The following SMG1 variants were observed in gnomAD, a reference collection of about 807,000 sequenced individuals.
SMG1 encodes SMG1 nonsense mediated mRNA decay associated PI3K related kinase.
In SMG1, 22 loss-of-function variants were observed where a neutral mutation model predicts 419.9. The observed-to-expected ratio is 0.05, with a 90% confidence interval of 0.04 to 0.07. The LOEUF is 0.07. Ranked by LOEUF, SMG1 falls within the 10% of genes least tolerant of loss-of-function variation. SMG1 has a pLI of 1.00. For synonymous variants in SMG1, 1,538 were observed against 1,553.5 expected (o/e 0.99, Z 0.23); for missense variants, 3,185 against 4,342.0 (o/e 0.73, Z 7.49).
chr16:18,914,350 A>C (rs1301526426), intron 1 of SMG1, among the ~76,000 whole-genome samples: 1 of 152,124 alleles, frequency 6.6e-6, no homozygotes, highest in African/African-American at 2.4e-5. Context: ...CCGAAAATTA[A>C]TATGAAAGAA....
chr16:18,853,212 C>A (rs1049211122), intron 31 of SMG1, among the ~76,000 whole-genome samples: 1 of 152,172 alleles, frequency 6.6e-6, no homozygotes, highest in Non-Finnish European at 1.5e-5. Context: ...GCACTAGCAC[C>A]AGAATGGGAA....
chr16:18,863,646 T>G lies in SMG1; in HGVS notation c.3695+4A>C. 6.3e-7 allele frequency: 1 copy of G among 1,593,730 alleles called. No individual in the cohort carries two copies. The highest frequency in any genetic ancestry group is 1.1e-5 in the South Asian group (1 of 90,894). On this transcript the variant is annotated splice_donor_region_variant and intron_variant, in intron 25 of 62. Transcript: ENST00000446231. ...GTTTTATAACTGGAAAAAGTAAGCC[T>G]TACTTTATATAGTTGAAGTCAGCTT... is the stretch of plus-strand genomic sequence containing the variant.
intron 6 of SMG1, among the ~76,000 whole-genome samples, chr16:18,889,036 G>C (rs916389567): frequency 2.6e-5 from 4 of 151,364 alleles, no homozygotes; most frequent in African/African-American, 9.7e-5. Context: ...ATGTTAGCCA[G>C]GATGGTCTCG....
Position 18,855,021 on chromosome 16 carries a change from G to C in SMG1, c.4235-117C>G, listed in dbSNP as rs144411888. 13 of 938,138 alleles carry C rather than the reference G, an allele frequency of 1.4e-5. No homozygotes were observed. The East Asian group carries it at 2.5e-4, about 18-fold the overall frequency. 58.1% of individuals were successfully genotyped at this position (938,138 alleles called of 1,614,324 possible). A position where few individuals can be genotyped will look rare whatever the true frequency, so the allele number is the denominator to read the frequency against. Reference sequence around the variant, plus strand: ...CTTCTGCACCACCTCCTGAAACAAAGATAACTCATCCTCAAATCCCTAGCA... The same window carrying C: ...CTTCTGCACCACCTCCTGAAACAAACATAACTCATCCTCAAATCCCTAGCA... On this transcript the variant is annotated intron_variant, in intron 29 of 62. Transcript: ENST00000446231.
chr16:18,918,156 G>A (rs1161502092), intron 1 of SMG1, among the ~76,000 whole-genome samples: 1 of 151,890 alleles, frequency 6.6e-6, no homozygotes, highest in South Asian at 2.1e-4. Context: ...AGAGCTACTT[G>A]GGAGGCTGAG....
chr16:18,837,200 T>C (rs1173154663), intron 46 of SMG1, 53 bp downstream of exon 46: 1 of 1,451,796 alleles, frequency 6.9e-7, no homozygotes, highest in East Asian at 2.3e-5. Flanking sequence ...TACATGAATA[T>C]GAAAATTCTA....
chr16:18,834,872 T>G lies in SMG1; in HGVS notation c.8330+20A>C. 6.2e-7 allele frequency: 1 copy of G among 1,607,526 alleles called. No homozygotes were observed. The highest frequency in any genetic ancestry group is 8.5e-7 in the Non-Finnish European group (1 of 1,175,228). ...AAATAAGACACAGGAAATGGTCCAA[T>G]ATGAAGTTGGCTAACTTACCTTGTA... is the stretch of plus-strand genomic sequence containing the variant. On this transcript the variant is annotated intron_variant, in intron 49 of 62. Transcript: ENST00000446231.
At chr16:18,916,624 A>C (rs937654487) in intron 1 of SMG1, among the ~76,000 whole-genome samples, 29 of 151,748 alleles carry the variant, frequency 1.9e-4, no homozygotes, top group Middle Eastern at 6.8e-3. Context: ...AACACACACA[A>C]AAAAAAACAC....
intron 37 of SMG1, 88 bp from the exon 38 acceptor site, chr16:18,847,695 T>C (rs2034346130): frequency 6.3e-7 from 1 of 1,585,072 alleles, no homozygotes; most frequent in Admixed American, 1.7e-5. Context: ...GTTAAGTGTG[T>C]GCAATTGGTG....
intron 51 of SMG1, among the ~76,000 whole-genome samples, chr16:18,830,722 C>T (rs1210331234): frequency 1.3e-5 from 2 of 151,956 alleles, no homozygotes; most frequent in African/African-American, 4.8e-5. Flanking sequence ...ACCTAGGAGG[C>T]GGAGGTTGCC....
intron 1 of SMG1, among the ~76,000 whole-genome samples, chr16:18,921,411 T>A (rs2142029283): frequency 6.6e-6 from 1 of 152,260 alleles, no homozygotes; most frequent in Admixed American, 6.5e-5. Flanking sequence ...TATTTTTCAT[T>A]TTTATTTTTT....
At position 18,806,675 on chromosome 16, in the gene SMG1, A is replaced by G. The variant is rs2030865334; in HGVS notation, c.*2894T>C. The G allele has an allele frequency of 1.3e-5, 2 of 152,206 alleles. No homozygotes were observed. The highest frequency in any genetic ancestry group is 1.3e-4 in the Admixed American group (2 of 15,282). The allele number at this position is 152,206 out of a possible 1,614,324, so 9.4% of individuals were successfully genotyped here. On this transcript the variant is annotated 3_prime_UTR_variant, in exon 63 of 63. Transcript: ENST00000446231. The stretch of plus-strand genomic sequence containing the variant: ...ACTTCAATTTCCAAGGGTACTTTGA[A>G]GAGGTTGTTTGTAGGTTATTCTGTA...
In SMG1 at chr16:18,850,142, G is replaced by GC; in HGVS notation, c.5284-17_5284-16insG. ...CTAAAGGAATCTAAGAGTGAAAGAT[G>GC]AGGGGAATAAATAAGAAAATAACTC... On this transcript the variant is annotated splice_polypyrimidine_tract_variant and intron_variant, in intron 34 of 62. Transcript: ENST00000446231. The GC allele has an allele frequency of 5.0e-6, 8 of 1,606,116 alleles. No individual in the cohort carries two copies. The highest frequency in any genetic ancestry group is 6.8e-6 in the Non-Finnish European group (8 of 1,176,004).
At chr16:18,892,493 G>C in intron 3 of SMG1, 139 bp from the exon 4 acceptor site, 1 of 639,358 alleles carries the variant, frequency 1.6e-6, no homozygotes, top group East Asian at 3.5e-5. Flanking sequence ...ACTTTGGAAG[G>C]CGGGTAGATC....
At chr16:18,880,577 T>C (rs1436389738) in intron 10 of SMG1, among the ~76,000 whole-genome samples, 1 of 152,012 alleles carries the variant, frequency 6.6e-6, no homozygotes, top group Non-Finnish European at 1.5e-5. Flanking sequence ...TAGTTGGGCA[T>C]GGTGGCTCGC....
intron 45 of SMG1, 113 bp from the exon 46 acceptor site, chr16:18,837,556 G>A: frequency 1.1e-6 from 1 of 870,386 alleles, no homozygotes; most frequent in Non-Finnish European, 1.7e-6. Flanking sequence ...ACCCGAAAGG[G>A]GTGATGCGTT....
intron 25 of SMG1, among the ~76,000 whole-genome samples, chr16:18,862,770 T>C (rs2035280630): frequency 1.3e-5 from 2 of 152,204 alleles, no homozygotes; most frequent in Non-Finnish European, 2.9e-5. Context: ...AAAGTTCTTT[T>C]CTCAGTTCCC....
chr16:18,834,453 T>C lies in SMG1; in HGVS notation c.8331-15A>G. 1 of 1,606,426 alleles carries C rather than the reference T, an allele frequency of 6.2e-7. No homozygotes were observed. The highest frequency in any genetic ancestry group is 8.5e-7 in the Non-Finnish European group (1 of 1,175,508). On this transcript the variant is annotated splice_polypyrimidine_tract_variant and intron_variant, in intron 49 of 62. Transcript: ENST00000446231. ...TCAGGTTACGCCTACAAGAGATAAA[T>C]ATCTGTACAGTGAAACTTAAATGTA...
intron 1 of SMG1, among the ~76,000 whole-genome samples, chr16:18,898,941 G>A (rs2037239942): frequency 6.6e-6 from 1 of 152,148 alleles, no homozygotes; most frequent in South Asian, 2.1e-4. Context: ...TGATCTCCAA[G>A]CCTTGGTTGT....
Sources: allele counts gnomAD v4.1 joint callset (sites outside exome capture counted in the v4.1 genomes callset), GRCh38; gene constraint gnomAD v4.1.1; transcripts MANE v1.5; gene names NCBI Gene and HGNC (gene_info 2026-07-23, HGNC 2026-07-21).